Variants in RXFP1 observed in about 807,000 individuals in gnomAD.
The protein encoded by RXFP1 is relaxin family peptide receptor 1, also known as relaxin receptor 1.
Under a neutral mutation model 89.8 loss-of-function variants are expected in RXFP1, and 73 were observed. The observed-to-expected ratio is 0.81, with a 90% CI of 0.67 to 0.99. RXFP1 has a LOEUF of 0.99. Among genes scored for constraint, RXFP1 ranks in the 50% least tolerant of loss-of-function variants. The pLI is 0.00. For synonymous variants in RXFP1, 277 were observed against 305.5 expected (o/e 0.91, Z 0.97); for missense variants, 793 against 895.5 (o/e 0.89, Z 1.46).
chr4:158,549,710 G>T (rs952110094), intron 1 of RXFP1, among the ~76,000 whole-genome samples: 25 of 152,144 alleles, frequency 1.6e-4, no homozygotes, highest in African/African-American at 5.8e-4. Flanking sequence ...TTTGCTAGAG[G>T]TCCACTCCAG....
chr4:158,543,167 C>G (rs575873378), intron 1 of RXFP1, among the ~76,000 whole-genome samples: 1 of 152,082 alleles, frequency 6.6e-6, no homozygotes, highest in South Asian at 2.1e-4. Flanking sequence ...GCTGGCATTG[C>G]GGCAGCTATT....
At chr4:158,610,500 T>C (rs1763371504) in intron 6 of RXFP1, 5 of 398,564 alleles carry the variant, frequency 1.3e-5, no homozygotes, top group Non-Finnish European at 2.4e-5. Context: ...AAGTTTATGA[T>C]CTAAGATGGG....
Position 158,543,789 on chromosome 4 carries a change from A to T in RXFP1, c.49+21764A>T, listed in dbSNP as rs1747460507. On this transcript the variant is annotated intron_variant, in intron 1 of 17. Transcript: ENST00000307765. Reference sequence around the variant, plus strand: ...CATCTCCCACCTAGAATCAAATAGTATTACAACAGCTGGTACTGCCTCTTC... The same window carrying T: ...CATCTCCCACCTAGAATCAAATAGTTTTACAACAGCTGGTACTGCCTCTTC... 9.1e-6 allele frequency: 9 copies of T among 985,230 alleles called. No individual in the cohort carries two copies. The South Asian group carries it at 3.8e-4, about 41-fold the overall frequency. 61.0% of individuals were successfully genotyped at this position (985,230 alleles called of 1,614,324 possible). A position where few individuals can be genotyped will look rare whatever the true frequency, so the allele number is the denominator to read the frequency against.
At chr4:158,616,469 G>A (rs1220642142) in intron 8 of RXFP1, among the ~76,000 whole-genome samples, 1 of 150,078 alleles carries the variant, frequency 6.7e-6, no homozygotes, top group Non-Finnish European at 1.5e-5. Context: ...ATAAAACAAG[G>A]TGTGCCTACA....
intron 3 of RXFP1, among the ~76,000 whole-genome samples, chr4:158,596,856 G>A (rs1760712693): frequency 6.6e-6 from 1 of 152,076 alleles, no homozygotes; most frequent in Non-Finnish European, 1.5e-5. Flanking sequence ...ACAAACAAAT[G>A]GGGAAAAACC....
At chr4:158,620,496 G>A (rs1765423072) in intron 9 of RXFP1, among the ~76,000 whole-genome samples, 1 of 152,028 alleles carries the variant, frequency 6.6e-6, no homozygotes, top group African/African-American at 2.4e-5. Flanking sequence ...AGAAAAACTA[G>A]ATAAATTATA....
chr4:158,604,821 AT>A (rs1455225531), intron 4 of RXFP1, among the ~76,000 whole-genome samples: 2 of 152,300 alleles, frequency 1.3e-5, no homozygotes, highest in East Asian at 1.9e-4. Context: ...TTTCAATTTT[AT>A]TTTTTAACAT....
chr4:158,587,168 C>T (rs544047538), intron 2 of RXFP1, among the ~76,000 whole-genome samples: 2 of 152,160 alleles, frequency 1.3e-5, no homozygotes, highest in African/African-American at 2.4e-5. Context: ...TGAAGCGAGG[C>T]CCTGGTAGGC....
At chr4:158,640,724 A>G (rs1294790058) in intron 14 of RXFP1, among the ~76,000 whole-genome samples, 1 of 152,202 alleles carries the variant, frequency 6.6e-6, no homozygotes, top group Admixed American at 6.5e-5. Context: ...TATCCAAACT[A>G]TATCACATGG....
intron 13 of RXFP1, among the ~76,000 whole-genome samples, chr4:158,638,794 A>G (rs1020161757): frequency 7.2e-6 from 1 of 139,290 alleles, no homozygotes; most frequent in Non-Finnish European, 1.5e-5. Flanking sequence ...CCTGGGCAAC[A>G]GAGGAAGACC....
chr4:158,648,839 A>G, intron 17 of RXFP1, 122 bp downstream of exon 17: 9 of 664,616 alleles, frequency 1.4e-5, no homozygotes, highest in Non-Finnish European at 2.2e-5. Context: ...AGATCCGAGC[A>G]CAGTGGCTCA....
intron 14 of RXFP1, 122 bp from the exon 15 acceptor site, chr4:158,644,787 G>A: frequency 3.0e-6 from 2 of 670,410 alleles, no homozygotes; most frequent in Non-Finnish European, 5.1e-6. Context: ...TAATGTTTTA[G>A]TCCTCTCAAT....
chr4:158,610,517 A>C, intron 6 of RXFP1: 1 of 415,406 alleles, frequency 2.4e-6, no homozygotes, highest in South Asian at 1.9e-5. Flanking sequence ...TGGGAAAACA[A>C]TGCCAACATA....
intron 12 of RXFP1, among the ~76,000 whole-genome samples, chr4:158,634,856 T>C (rs1288248530): frequency 2.0e-5 from 3 of 152,232 alleles, no homozygotes; most frequent in Non-Finnish European, 2.9e-5. Context: ...TGTGAGTTTA[T>C]TCCTGAGCTC....
intron 16 of RXFP1, 59 bp from the exon 17 acceptor site, chr4:158,648,440 T>C: frequency 9.8e-7 from 1 of 1,017,070 alleles, no homozygotes; most frequent in Non-Finnish European, 1.4e-6. Context: ...TTATTTATGT[T>C]TGTTCATTTT....
chr4:158,572,990 A>C, intron 2 of RXFP1, 155 bp downstream of exon 2: 2 of 1,122,542 alleles, frequency 1.8e-6, no homozygotes, highest in Non-Finnish European at 1.2e-6. Flanking sequence ...GTAGCTTAAA[A>C]TATCCACTCT....
At chr4:158,564,048 G>C (rs1381287049) in intron 1 of RXFP1, among the ~76,000 whole-genome samples, 1 of 151,192 alleles carries the variant, frequency 6.6e-6, no homozygotes, top group East Asian at 1.9e-4. Context: ...CTTAATGTAA[G>C]GTCTGATCTT....
At chr4:158,612,891 A>C (rs1328558173) in intron 8 of RXFP1, among the ~76,000 whole-genome samples, 4 of 152,132 alleles carry the variant, frequency 2.6e-5, no homozygotes, top group African/African-American at 9.7e-5. Flanking sequence ...TTAAGGCGTG[A>C]GCCACCACGC....
chr4:158,652,667 T>C lies in RXFP1; in HGVS notation c.*612T>C, dbSNP rs1320913445. 1.3e-5 allele frequency: 2 copies of C among 152,254 alleles called. No individual in the cohort carries two copies. Among genetic ancestry groups the C allele is most frequent in the African/African-American group, 2.4e-5 (1 of 41,466 alleles). 9.4% of individuals were successfully genotyped at this position (152,254 alleles called of 1,614,324 possible). On this transcript the variant is annotated 3_prime_UTR_variant, in exon 18 of 18. Coordinates refer to ENST00000307765, the MANE Select transcript of RXFP1 (RefSeq NM_021634.4). Reference sequence around the variant, plus strand: ...CATATTTATTACTAAAAAGATGCTTTGCTAGAAACTCAAAAACAGCACTTC... The same window carrying C: ...CATATTTATTACTAAAAAGATGCTTCGCTAGAAACTCAAAAACAGCACTTC...
Sources: allele counts gnomAD v4.1 joint callset (sites outside exome capture counted in the v4.1 genomes callset), GRCh38; gene constraint gnomAD v4.1.1; transcripts MANE v1.5; gene names NCBI Gene and HGNC (gene_info 2026-07-23, HGNC 2026-07-21).